Variants in UMODL1 observed in about 807,000 individuals in gnomAD.
UMODL1 encodes uromodulin like 1.
A neutral mutation model predicts 136.3 loss-of-function variants in UMODL1; 128 were observed. The observed-to-expected ratio is 0.94, with a 90% confidence interval of 0.81 to 1.09. The LOEUF (loss-of-function observed/expected upper bound fraction) is 1.09, where lower values mean the gene tolerates loss of function less well. UMODL1 is among the 50% of genes least tolerant of loss of function. The pLI is 0.00. For missense variants in UMODL1, 1,766 were observed against 1,725.6 expected, an observed-to-expected ratio of 1.02 and a Z score of -0.41; for synonymous variants, 721 against 720.0, an observed-to-expected ratio of 1.00 and a Z score of -0.02.
At chr21:42,110,790 G>A (rs1187831926) in intron 10 of UMODL1, 90 bp from the exon 11 acceptor site, 4 of 1,298,458 alleles carry the variant, frequency 3.1e-6, no homozygotes, top group Non-Finnish European at 4.2e-6. Flanking sequence ...ATGCAGAGCA[G>A]TCCTGCTGGA....
chr21:42,075,241 T>TGGC (rs537937597), intron 1 of UMODL1, among the ~76,000 whole-genome samples: 34 of 143,024 alleles, frequency 2.4e-4, no homozygotes, highest in Admixed American at 4.8e-4. Context: ...TTGCTGGAGA[T>TGGC]GGGGGGGGGG....
chr21:42,065,821 T>C (rs2066178814), intron 1 of UMODL1, among the ~76,000 whole-genome samples: 1 of 152,146 alleles, frequency 6.6e-6, no homozygotes, highest in South Asian at 2.1e-4. Context: ...AGTGAGCCAC[T>C]GCACTCAGCC....
At chr21:42,105,508 C>G (rs1601225680) in intron 9 of UMODL1, among the ~76,000 whole-genome samples, 1 of 152,342 alleles carries the variant, frequency 6.6e-6, no homozygotes, top group East Asian at 1.9e-4. Context: ...AGAATGTGAC[C>G]TTATTTAGAA....
rs538660716 is a variant in UMODL1, at chr21:42,109,718, G to A, written c.1657+19G>A. The A allele has an allele frequency of 4.4e-6, 7 of 1,597,826 alleles. No homozygotes were observed. The African/African-American group carries it at 8.0e-5, about 18-fold the overall frequency. ...TGTGAGGGTACGTGTCGACCCCCCT[G>A]CCGACTCTGGGAAGACCCCCTGCCC... is the stretch of plus-strand genomic sequence containing the variant. On this transcript the variant is annotated intron_variant, in intron 10 of 22. Coordinates refer to ENST00000408910, the MANE Select transcript of UMODL1 (RefSeq NM_001004416.3).
chr21:42,102,040 T>G (rs2066640771), intron 7 of UMODL1, 126 bp from the exon 8 acceptor site: 1 of 644,720 alleles, frequency 1.6e-6, no homozygotes, highest in African/African-American at 1.8e-5. Flanking sequence ...GATACCTCAA[T>G]CTAAGATTCA....
intron 19 of UMODL1, 25 bp from the exon 20 acceptor site, chr21:42,127,647 G>T (rs775794552): frequency 1.2e-6 from 2 of 1,604,408 alleles, no homozygotes; most frequent in Non-Finnish European, 1.7e-6. Flanking sequence ...TGACAAGCAA[G>T]GAGTCCCATT....
chr21:42,066,291 T>C (rs1187141075), intron 1 of UMODL1, among the ~76,000 whole-genome samples: 1 of 152,362 alleles, frequency 6.6e-6, no homozygotes, highest in East Asian at 1.9e-4. Context: ...TATTTATTTA[T>C]TTATTTTTTG....
In UMODL1 at chr21:42,121,169, C is replaced by T. The variant is rs1356485317; in HGVS notation, c.2772C>T (p.Ser924=). 6.2e-7 allele frequency: 1 copy of T among 1,614,120 alleles called. No individual in the cohort carries two copies. The highest frequency in any genetic ancestry group is 1.7e-5 in the Admixed American group (1 of 60,016). The change falls in exon 16 of 23, where the codon AGC becomes AGT. Residue 924 remains serine (S), a synonymous_variant. Transcript: ENST00000408910. ...CRNTLGSFTC[S]CEGGAPDFPV... Reference sequence around the variant, plus strand: ...ACACCCTCGGGTCTTTCACTTGTAGCTGCGAGGGAGGAGCCCCCGACTTCC... The same window carrying T: ...ACACCCTCGGGTCTTTCACTTGTAGTTGCGAGGGAGGAGCCCCCGACTTCC...
chr21:42,141,545 GGGTC>G (rs2067281803), intron 22 of UMODL1, among the ~76,000 whole-genome samples: 2 of 152,234 alleles, frequency 1.3e-5, no homozygotes, highest in Admixed American at 1.3e-4. Context: ...TATTGGTGCT[GGGTC>G]ATGCTGGATG....
chr21:42,075,149 T>C (rs924070808), intron 1 of UMODL1, among the ~76,000 whole-genome samples: 2 of 151,998 alleles, frequency 1.3e-5, no homozygotes, highest in East Asian at 1.9e-4. Flanking sequence ...CCGCCCACCT[T>C]GGCCTCCCAA....
At chr21:42,088,927 A>C (rs556965484) in intron 5 of UMODL1, among the ~76,000 whole-genome samples, 1 of 152,286 alleles carries the variant, frequency 6.6e-6, no homozygotes, top group African/African-American at 2.4e-5. Context: ...TGTACTCCAA[A>C]GGCTCCTTCA....
rs2066674631 is a variant in UMODL1, at chr21:42,103,926, T to G, written c.1358T>G (p.Met453Arg). ...TTGTACCGAAGTGGGAAGCTGAGAA[T>G]GCAGATCGTGTCTCTCCAGGCGGGA... Reference protein sequence around the residue: ...SDLYRSGKLRMQIVSLQAGSV... With the variant: ...SDLYRSGKLRRQIVSLQAGSV... The change falls in exon 9 of 23, where the codon ATG (methionine) becomes AGG (arginine). Residue 453 changes from methionine to arginine, a missense_variant. Transcript: ENST00000408910. 6.2e-7 allele frequency: 1 copy of G among 1,614,174 alleles called. No homozygotes were observed. Among genetic ancestry groups the G allele is most frequent in the Admixed American group, 1.7e-5 (1 of 60,030 alleles).
At chr21:42,090,649 A>G (rs2146451428) in intron 6 of UMODL1, among the ~76,000 whole-genome samples, 1 of 152,358 alleles carries the variant, frequency 6.6e-6, no homozygotes, top group South Asian at 2.1e-4. Flanking sequence ...TGCTTTTAGT[A>G]GTGGTATTTC....
chr21:42,117,647 A>C (rs954708928), intron 14 of UMODL1, among the ~76,000 whole-genome samples: 1 of 152,230 alleles, frequency 6.6e-6, no homozygotes, highest in Non-Finnish European at 1.5e-5. Context: ...ATACCGTAGC[A>C]GGGCTGCAAA....
Position 42,088,340 on chromosome 21 carries a change from A to C in UMODL1, c.650A>C (p.His217Pro), listed in dbSNP as rs557106721. 1.2e-6 allele frequency: 2 copies of C among 1,613,726 alleles called. No homozygotes were observed. The highest frequency in any genetic ancestry group is 1.1e-5 in the South Asian group (1 of 91,082). The part of the protein sequence containing the change: ...QPMASTVHHL[H>P]SAPGNASTTV... Reference sequence around the variant, plus strand: ...ATGGCCTCCACCGTCCACCACCTGCACTCAGCCCCTGGGAACGCCTCCACC... The same window carrying C: ...ATGGCCTCCACCGTCCACCACCTGCCCTCAGCCCCTGGGAACGCCTCCACC... The change falls in exon 5 of 23, where the codon CAC (histidine) becomes CCC (proline). Residue 217 changes from histidine to proline, a missense_variant. By Grantham distance (77) the His-to-Pro change is moderately conservative. Transcript: ENST00000408910.
chr21:42,118,975 G>GAACC, intron 14 of UMODL1, 136 bp from the exon 15 acceptor site: 1 of 820,796 alleles, frequency 1.2e-6, no homozygotes, highest in Non-Finnish European at 1.9e-6. Context: ...AAGGGGCCCA[G>GAACC]AACCAACCTG....
chr21:42,070,697 G>T (rs1285741985), upstream of UMODL1, among the ~76,000 whole-genome samples: 1 of 152,238 alleles, frequency 6.6e-6, no homozygotes, highest in African/African-American at 2.4e-5. Flanking sequence ...TCCTGTGGCT[G>T]TCCAATTATG....
intron 21 of UMODL1, among the ~76,000 whole-genome samples, chr21:42,136,946 C>T (rs928344791): frequency 2.6e-5 from 4 of 151,976 alleles, no homozygotes; most frequent in African/African-American, 7.2e-5. Context: ...TTAGTAGAGA[C>T]GGGGTTTCAC....
chr21:42,106,762 G>A (rs759280968), intron 9 of UMODL1, among the ~76,000 whole-genome samples: 5 of 152,184 alleles, frequency 3.3e-5, no homozygotes, highest in East Asian at 1.9e-4. Flanking sequence ...GAGGCGGAAC[G>A]GGTTGGAATC....
Sources: gnomAD v4.1 joint callset for allele counts (sites outside exome capture counted in the v4.1 genomes callset) on GRCh38, gnomAD v4.1.1 for gene constraint, MANE v1.5 for transcripts, NCBI Gene and HGNC (gene_info 2026-07-23, HGNC 2026-07-21) for gene names.